MYLK: variants seen among roughly 807,000 people sequenced by gnomAD.
The protein encoded by MYLK is myosin light chain kinase, also known as myosin light chain kinase, smooth muscle.
MYLK carries 106 observed loss-of-function variants against 203.4 expected under a neutral mutation model. The observed-to-expected ratio is 0.52, with a 90% CI of 0.45 to 0.61. MYLK has a LOEUF of 0.61. MYLK is among the 20% of genes least tolerant of loss of function. The pLI, the probability that MYLK is intolerant of heterozygous loss-of-function variation, is 0.00. For missense variants in MYLK, 2,072 were observed against 2,442.3 expected, an observed-to-expected ratio of 0.85 and a Z score of 3.20; for synonymous variants, 867 against 959.5, an observed-to-expected ratio of 0.90 and a Z score of 1.78.
At chr3:123,677,918 T>TATATATATATATACACACAC (rs1273803739) in intron 20 of MYLK, among the ~76,000 whole-genome samples, 2 of 78,914 alleles carry the variant, frequency 2.5e-5, no homozygotes, top group East Asian at 1.7e-3. Flanking sequence ...TATATATATA[T>TATATATATATATACACACAC]ACACACACAC....
chr3:123,831,924 C>T (rs749500079), intron 2 of MYLK, among the ~76,000 whole-genome samples: 3 of 152,122 alleles, frequency 2.0e-5, no homozygotes, highest in South Asian at 2.1e-4. Flanking sequence ...AGAACCATGA[C>T]GGTGGTACTC....
chr3:123,696,895 A>G (rs1021346024), intron 18 of MYLK, among the ~76,000 whole-genome samples: 3 of 152,176 alleles, frequency 2.0e-5, no homozygotes, highest in African/African-American at 7.2e-5. Flanking sequence ...AACTGGGGCC[A>G]TGTCATCCTC....
chr3:123,614,789 G>A (rs1267764852), intron 33 of MYLK, among the ~76,000 whole-genome samples: 2 of 151,480 alleles, frequency 1.3e-5, no homozygotes, highest in East Asian at 3.9e-4. Flanking sequence ...ACCGTGCTCA[G>A]TTAAACATCA....
At position 123,611,487 on chromosome 3, in the gene MYLK, A is replaced by G. The variant is rs910965662; in HGVS notation, c.*2618T>C. 1.3e-5 allele frequency: 2 copies of G among 152,158 alleles called. No individual in the cohort carries two copies. The highest frequency in any genetic ancestry group is 2.9e-5 in the Non-Finnish European group (2 of 68,056). The allele number at this position is 152,158 out of a possible 1,614,324, so 9.4% of individuals were successfully genotyped here. A position where few individuals can be genotyped will look rare whatever the true frequency, so the allele number is the denominator to read the frequency against. On this transcript the variant is annotated 3_prime_UTR_variant, in exon 34 of 34. Coordinates refer to ENST00000360304, the MANE Select transcript of MYLK (RefSeq NM_053025.4). Reference sequence around the variant, plus strand: ...GATAATGTCACATGTTAAAAATGTCATATAGATTTTAGCATCTTGAGGACC... The same window carrying G: ...GATAATGTCACATGTTAAAAATGTCGTATAGATTTTAGCATCTTGAGGACC...
chr3:123,645,190 G>A (rs1377576303), intron 27 of MYLK, among the ~76,000 whole-genome samples: 1 of 152,194 alleles, frequency 6.6e-6, no homozygotes, highest in Admixed American at 6.5e-5. Context: ...TTCATGAGGT[G>A]GGTGTCGTAT....
intron 18 of MYLK, among the ~76,000 whole-genome samples, chr3:123,698,502 C>T (rs2061028039): frequency 6.6e-6 from 1 of 152,082 alleles, no homozygotes; most frequent in Non-Finnish European, 1.5e-5. Flanking sequence ...GGGAGAGCCC[C>T]ACAGGGGCGG....
chr3:123,859,270 A>C (rs1236751179), intron 2 of MYLK, among the ~76,000 whole-genome samples: 3 of 152,266 alleles, frequency 2.0e-5, no homozygotes, highest in Admixed American at 6.5e-5. Flanking sequence ...AAGATAACAT[A>C]GGCTCCCATT....
At chr3:123,627,506 A>G (rs1209817874) in intron 30 of MYLK, among the ~76,000 whole-genome samples, 1 of 152,262 alleles carries the variant, frequency 6.6e-6, no homozygotes, top group African/African-American at 2.4e-5. Flanking sequence ...ACTGCGCTGA[A>G]ACTCACTTCA....
chr3:123,754,231 G>A (rs1332003855), intron 4 of MYLK, among the ~76,000 whole-genome samples: 1 of 152,144 alleles, frequency 6.6e-6, no homozygotes, highest in African/African-American at 2.4e-5. Flanking sequence ...GAATAACAGG[G>A]AAAACTCCCA....
At chr3:123,778,696 C>G (rs1401507546) in intron 4 of MYLK, among the ~76,000 whole-genome samples, 1 of 152,210 alleles carries the variant, frequency 6.6e-6, no homozygotes, top group Admixed American at 6.5e-5. Flanking sequence ...CCCATGTGCT[C>G]GCCCAGGGGC....
intron 3 of MYLK, among the ~76,000 whole-genome samples, chr3:123,807,563 G>A (rs1190401100): frequency 6.6e-6 from 1 of 152,096 alleles, no homozygotes; most frequent in Non-Finnish European, 1.5e-5. Flanking sequence ...GTATGAATTT[G>A]ACTAAGTCAT....
intron 4 of MYLK, among the ~76,000 whole-genome samples, chr3:123,771,855 T>G (rs985718249): frequency 2.0e-5 from 3 of 152,220 alleles, no homozygotes; most frequent in African/African-American, 7.2e-5. Context: ...TGTAATTTAT[T>G]GAGCACTGAA....
At chr3:123,639,744 C>A (rs2058767554) in intron 28 of MYLK, among the ~76,000 whole-genome samples, 2 of 152,196 alleles carry the variant, frequency 1.3e-5, no homozygotes, top group Admixed American at 6.5e-5. Flanking sequence ...CCCTGGCTCA[C>A]AGTGGGACCT....
intron 29 of MYLK, among the ~76,000 whole-genome samples, chr3:123,636,628 C>T (rs2058653922): frequency 6.6e-6 from 1 of 152,200 alleles, no homozygotes; most frequent in Admixed American, 6.5e-5. Flanking sequence ...AAGGGGCAGG[C>T]TGGCCCCGCC....
At position 123,648,272 on chromosome 3, in the gene MYLK, A is replaced by G. The variant is rs1224000968; in HGVS notation, c.4415+699T>C. Among the ~76,000 whole-genome samples, 1 of 152,130 alleles carries G rather than the reference A, an allele frequency of 6.6e-6. No homozygotes were observed. Among genetic ancestry groups the G allele is most frequent in the African/African-American group, 2.4e-5 (1 of 41,414 alleles). ...GGGGTCTGAGCCCACTCTATCCTCC[A>G]TGCCCTAGGGAGAAGCCAGAGTAAG... is the stretch of plus-strand genomic sequence containing the variant. On this transcript the variant is annotated intron_variant, in intron 26 of 33. Coordinates refer to ENST00000360304, the MANE Select transcript of MYLK (RefSeq NM_053025.4). This position sits in a 1 kb window ranked among gnomAD's most constrained non-coding sequence, Gnocchi z 4.5.
chr3:123,697,819 GTC>G (rs913247505), intron 18 of MYLK, among the ~76,000 whole-genome samples: 1 of 152,032 alleles, frequency 6.6e-6, no homozygotes, highest in Non-Finnish European at 1.5e-5. Flanking sequence ...ACCTCTCCTG[GTC>G]TCTCTCTCCC....
chr3:123,854,428 T>G (rs2031163166), intron 2 of MYLK, among the ~76,000 whole-genome samples: 1 of 152,110 alleles, frequency 6.6e-6, no homozygotes, highest in South Asian at 2.1e-4. Context: ...TTTAATCATG[T>G]TTTTCAAACC....
At position 123,700,149 on chromosome 3, in the gene MYLK, C is replaced by T. The variant is rs779251437; in HGVS notation, c.3319G>A (p.Val1107Ile). ...AGCTTCTTGCCCTCTGCCACATGAA[C>T]ATCTTGCAGCTTCTGCTTGAAGGCT... is the stretch of plus-strand genomic sequence containing the variant. ...APAFKQKLQDVHVAEGKKLLL... is the reference protein window; with the variant it reads ...APAFKQKLQDIHVAEGKKLLL... The change falls in exon 18 of 34, where the codon GTT (valine) becomes ATT (isoleucine). Residue 1107 changes from valine to isoleucine, a missense_variant. Transcript: ENST00000360304. 3 of 1,613,842 alleles carry T rather than the reference C, an allele frequency of 1.9e-6. No homozygotes were observed. The highest frequency in any genetic ancestry group is 2.5e-6 in the Non-Finnish European group (3 of 1,179,990).
At chr3:123,709,688 A>G in intron 14 of MYLK, 68 bp downstream of exon 14, 24 of 1,599,168 alleles carry the variant, frequency 1.5e-5, no homozygotes, top group Non-Finnish European at 2.1e-5. Context: ...GGGTCCTCGG[A>G]GAGCAATACC....
Sources: gnomAD v4.1 joint callset for allele counts (sites outside exome capture counted in the v4.1 genomes callset) on GRCh38, gnomAD v4.1.1 for gene constraint, Gnocchi (gnomAD v3.1) non-coding constraint, MANE v1.5 for transcripts, NCBI Gene and HGNC (gene_info 2026-07-23, HGNC 2026-07-21) for gene names.